The following ACTR3B variants were observed in gnomAD, a reference collection of about 807,000 sequenced individuals.
ACTR3B encodes actin-related protein 3B.
In ACTR3B, 8 loss-of-function variants were observed where a neutral mutation model predicts 59.0. The observed-to-expected ratio is 0.14, with a 90% confidence interval of 0.08 to 0.24. The LOEUF is 0.24. ACTR3B is among the 10% of genes least tolerant of loss of function. The pLI is 1.00. For missense variants in ACTR3B, 245 were observed against 552.3 expected (o/e 0.44, Z 5.58); for synonymous variants, 148 against 197.9 (o/e 0.75, Z 2.12).
chr7:152,806,452 T>C (rs187888398), intron 4 of ACTR3B, among the ~76,000 whole-genome samples: 1 of 152,330 alleles, frequency 6.6e-6, no homozygotes. Flanking sequence ...ATAAAAGCAG[T>C]AGTTTAAAAA....
At chr7:152,852,806 T>C in intron 10 of ACTR3B, among the ~76,000 whole-genome samples, 1 of 152,052 alleles carries the variant, frequency 6.6e-6, no homozygotes, top group Non-Finnish European at 1.5e-5. Flanking sequence ...TTTTCTTTTT[T>C]CTTGAGACAG....
chr7:152,800,889 C>T (rs1262940733), intron 3 of ACTR3B, among the ~76,000 whole-genome samples: 718 of 150,346 alleles, frequency 4.8e-3, no homozygotes, highest in African/African-American at 0.017. Context: ...CACCAGGTCA[C>T]ACATGAAAGC....
At chr7:152,793,736 T>C (rs1324106731) in intron 2 of ACTR3B, among the ~76,000 whole-genome samples, 21 of 150,842 alleles carry the variant, frequency 1.4e-4, no homozygotes, top group South Asian at 4.2e-4. Flanking sequence ...GTTTTTGCCA[T>C]GGTGAGAGTT....
chr7:152,767,654 A>G (rs544886290), intron 1 of ACTR3B, among the ~76,000 whole-genome samples: 1 of 152,198 alleles, frequency 6.6e-6, no homozygotes, highest in African/African-American at 2.4e-5. Flanking sequence ...GTTCAAGTCT[A>G]TTTTGTGTCT....
intron 1 of ACTR3B, among the ~76,000 whole-genome samples, chr7:152,764,282 C>T (rs1367529980): frequency 1.3e-5 from 2 of 152,124 alleles, no homozygotes; most frequent in African/African-American, 2.4e-5. Context: ...GTTGGGATTA[C>T]AGGAGTGAGG....
chr7:152,829,308 T>G (rs1590392031), intron 9 of ACTR3B, among the ~76,000 whole-genome samples: 1 of 152,306 alleles, frequency 6.6e-6, no homozygotes, highest in East Asian at 1.9e-4. Context: ...CCTTCAGAGC[T>G]TGCCCATCTT....
chr7:152,766,894 C>G lies in ACTR3B; in HGVS notation c.44+6968C>G, dbSNP rs2116501624. On this transcript the variant is annotated intron_variant, in intron 1 of 11. Transcript: ENST00000256001. ...CTCCACCTCCTGGGTTCAAGCGATT[C>G]TCCTGCTGCAGCCTCCCGAGTAGCT... Among the ~76,000 whole-genome samples, 4 of 152,218 alleles carry G rather than the reference C, an allele frequency of 2.6e-5. No homozygotes were observed. The South Asian group carries it at 8.3e-4, about 32-fold the overall frequency.
chr7:152,775,323 T>C (rs1295187018), intron 1 of ACTR3B, among the ~76,000 whole-genome samples: 1 of 152,066 alleles, frequency 6.6e-6, no homozygotes, highest in Non-Finnish European at 1.5e-5. Context: ...AAGAGCAGTT[T>C]CAATTATATA....
At chr7:152,775,509 C>T (rs141624419) in intron 1 of ACTR3B, among the ~76,000 whole-genome samples, 117 of 152,180 alleles carry the variant, frequency 7.7e-4, no homozygotes, top group African/African-American at 2.6e-3. Context: ...CCTGTAATCC[C>T]AGCACTTTGG....
intron 1 of ACTR3B, among the ~76,000 whole-genome samples, chr7:152,765,456 A>C (rs891035858): frequency 1.4e-5 from 2 of 145,732 alleles, no homozygotes; most frequent in African/African-American, 5.1e-5. Flanking sequence ...ACATATTGTG[A>C]GATGCATTGT....
At chr7:152,794,108 A>G (rs1219862328) in intron 2 of ACTR3B, among the ~76,000 whole-genome samples, 6 of 152,192 alleles carry the variant, frequency 3.9e-5, no homozygotes, top group African/African-American at 1.4e-4. Flanking sequence ...TATAAGCTCT[A>G]TATACTTTTA....
intron 2 of ACTR3B, among the ~76,000 whole-genome samples, chr7:152,784,479 A>T (rs1352596669): frequency 6.6e-6 from 1 of 152,052 alleles, no homozygotes; most frequent in Admixed American, 6.6e-5. Context: ...ACTGGCCATG[A>T]ATGTGATTTT....
In ACTR3B at chr7:152,854,195, C is replaced by T. The variant is rs534915856; in HGVS notation, c.1162-263C>T. On this transcript the variant is annotated intron_variant, in intron 11 of 11. Transcript: ENST00000256001. This position sits in a 1 kb window ranked among gnomAD's most constrained non-coding sequence, Gnocchi z 4.9. The stretch of plus-strand genomic sequence containing the variant: ...AAATAATTATTACTTTTCCCCCTCA[C>T]ATTTGTGAATAGCTCACACATTGTT... 2.0e-5 allele frequency among the ~76,000 whole-genome samples: 3 copies of T among 152,292 alleles called. No homozygotes were observed. In the South Asian group the frequency reaches 6.2e-4, roughly 32 times the overall value.
intron 9 of ACTR3B, among the ~76,000 whole-genome samples, chr7:152,843,895 G>A (rs762343962): frequency 6.6e-6 from 1 of 152,082 alleles, no homozygotes; most frequent in Non-Finnish European, 1.5e-5. Context: ...ATGTATATAA[G>A]TTACTCTCAG....
chr7:152,822,572 C>T (rs1431349724), intron 7 of ACTR3B, among the ~76,000 whole-genome samples: 3 of 152,346 alleles, frequency 2.0e-5, no homozygotes, highest in African/African-American at 4.8e-5. Flanking sequence ...CTTTCTTCCC[C>T]GGGACCTATC....
At chr7:152,800,991 C>A (rs927471920) in intron 3 of ACTR3B, among the ~76,000 whole-genome samples, 1 of 152,174 alleles carries the variant, frequency 6.6e-6, no homozygotes, top group Non-Finnish European at 1.5e-5. Context: ...GAAACACTAA[C>A]GTTATTTAAG....
chr7:152,800,572 C>A lies in ACTR3B; in HGVS notation c.142C>A (p.Gln48Lys). 6.2e-7 allele frequency: 1 copy of A among 1,613,928 alleles called. No homozygotes were observed. Among genetic ancestry groups the A allele is most frequent in the Non-Finnish European group, 8.5e-7 (1 of 1,179,964 alleles). ...RESAKVVDQA[Q>K]RRVLRGVDDL... ...GTCAGCAAAGGTAGTTGACCAAGCT[C>A]AAAGGAGAGTGTTGAGGGGAGTTGA... Residue 48 changes from glutamine to lysine, a missense_variant, in exon 3 of 12, where the codon CAA becomes AAA. Transcript: ENST00000256001.
chr7:152,853,354 C>A, intron 10 of ACTR3B, 140 bp from the exon 11 acceptor site: 1 of 692,650 alleles, frequency 1.4e-6, no homozygotes. Flanking sequence ...CGGAGAGTCA[C>A]TGAGTGCTGG....
intron 9 of ACTR3B, among the ~76,000 whole-genome samples, chr7:152,830,603 C>T (rs1470275160): frequency 3.9e-5 from 6 of 152,308 alleles, no homozygotes; most frequent in East Asian, 1.9e-4. Flanking sequence ...CGCTGAAGTG[C>T]GGTGGTGTGA....
Sources: allele counts gnomAD v4.1 joint callset (sites outside exome capture counted in the v4.1 genomes callset), GRCh38; gene constraint gnomAD v4.1.1; non-coding constraint Gnocchi (gnomAD v3.1); transcripts MANE v1.5; gene names NCBI Gene and HGNC (gene_info 2026-07-23, HGNC 2026-07-21).